Variants in PALLD observed in about 807,000 individuals in gnomAD.
PALLD encodes the protein palladin, cytoskeletal associated protein, also known as palladin.
In PALLD, 61 loss-of-function variants were observed where a neutral mutation model predicts 123.5. That is an observed-to-expected ratio of 0.49 (90% CI 0.40 to 0.61). The LOEUF is 0.61. Ranked by LOEUF, PALLD falls within the 20% of genes least tolerant of loss-of-function variation. The pLI is 0.00. For missense variants in PALLD, 1,273 were observed against 1,377.0 expected (o/e 0.92, Z 1.20); for synonymous variants, 465 against 496.4 (o/e 0.94, Z 0.84).
intron 10 of PALLD, among the ~76,000 whole-genome samples, chr4:168,811,087 G>A (rs1581592474): frequency 1.3e-5 from 2 of 152,336 alleles, no homozygotes; most frequent in South Asian, 4.1e-4. Context: ...AGGAGAATGG[G>A]AGAGAACAGC....
intron 1 of PALLD, among the ~76,000 whole-genome samples, chr4:168,509,557 T>C (rs982561082): frequency 7.9e-5 from 12 of 152,188 alleles, no homozygotes; most frequent in Non-Finnish European, 1.8e-4. Context: ...AGTCAGGATG[T>C]TTCTATCCTG....
chr4:168,536,046 GA>G (rs1446453513), intron 2 of PALLD, among the ~76,000 whole-genome samples: 1 of 152,188 alleles, frequency 6.6e-6, no homozygotes, highest in African/African-American at 2.4e-5. Context: ...TGATAAAAAA[GA>G]GAGTCAAACA....
At chr4:168,754,343 C>A (rs2150399150) in intron 10 of PALLD, among the ~76,000 whole-genome samples, 1 of 152,120 alleles carries the variant, frequency 6.6e-6, no homozygotes, top group East Asian at 1.9e-4. Context: ...TTTTAGTTAA[C>A]TTCCTTTTGA....
chr4:168,917,046 G>T (rs1206552542), intron 17 of PALLD, among the ~76,000 whole-genome samples: 59 of 97,352 alleles, frequency 6.1e-4, no homozygotes, highest in East Asian at 1.6e-3. Context: ...TTGTTTTTTT[G>T]GGGTTTTTTT....
chr4:168,520,854 G>A (rs1014492489), intron 2 of PALLD, among the ~76,000 whole-genome samples: 3 of 152,164 alleles, frequency 2.0e-5, no homozygotes, highest in African/African-American at 7.2e-5. Context: ...AAGAAGTAAG[G>A]CTGATATTCA....
chr4:168,586,153 TAAA>T (rs35474736), intron 2 of PALLD, among the ~76,000 whole-genome samples: 9,941 of 75,170 alleles, frequency 0.13, 356 homozygotes, highest in South Asian at 0.17. Context: ...TCAAGAGACC[TAAA>T]AAAAAAAAAA....
At chr4:168,748,540 C>A (rs954024129) in intron 10 of PALLD, among the ~76,000 whole-genome samples, 1 of 152,130 alleles carries the variant, frequency 6.6e-6, no homozygotes, top group South Asian at 2.1e-4. Context: ...TAAAACACCC[C>A]ACATTTAATA....
chr4:168,860,779 G>A (rs1213496233), intron 10 of PALLD, among the ~76,000 whole-genome samples: 2 of 152,166 alleles, frequency 1.3e-5, no homozygotes. Context: ...CTGAGATCGT[G>A]CCACTGCACT....
At chr4:168,885,325 G>GA (rs1753183267) in intron 10 of PALLD, 1 of 152,140 alleles carries the variant, frequency 6.6e-6, no homozygotes, top group Non-Finnish European at 1.5e-5. Flanking sequence ...ATGTGGGGGG[G>GA]TCTTTGCCAT....
rs1767955929 is a variant in PALLD, at chr4:168,562,386, G to T, written c.908+49974G>T. On this transcript the variant is annotated intron_variant, in intron 2 of 21. Transcript: ENST00000505667. Reference sequence around the variant, plus strand: ...TAAAGAAGTTCAGGAGTAAGTCTGTGTTCTAAGCACTGGAGATATCGCTAT... The same window carrying T: ...TAAAGAAGTTCAGGAGTAAGTCTGTTTTCTAAGCACTGGAGATATCGCTAT... 1.3e-5 allele frequency among the ~76,000 whole-genome samples: 2 copies of T among 152,206 alleles called. 1 individual carries two copies. The highest frequency in any genetic ancestry group is 4.1e-4 in the South Asian group (2 of 4,834).
rs144840845 is a variant in PALLD, at chr4:168,797,053, C to T, written c.1964+85130C>T. On this transcript the variant is annotated intron_variant, in intron 10 of 21. Coordinates refer to ENST00000505667, the MANE Select transcript of PALLD (RefSeq NM_001166108.2). ...AGAAACTCACCAAATTGAGTTGTCT[C>T]TACTTTCCTTTCAAAACTATAACTA... Among the ~76,000 whole-genome samples the T allele has an allele frequency of 5.3e-4, 80 of 152,300 alleles. 2 individuals are homozygous for T. The East Asian group carries it at 0.015, about 28-fold the overall frequency.
At chr4:168,667,850 A>C (rs1176866693) in intron 2 of PALLD, among the ~76,000 whole-genome samples, 1 of 152,202 alleles carries the variant, frequency 6.6e-6, no homozygotes, top group Non-Finnish European at 1.5e-5. Flanking sequence ...CTAATAGATA[A>C]AATTGTAATA....
chr4:168,757,021 T>C (rs1731986906), intron 10 of PALLD, among the ~76,000 whole-genome samples: 2 of 152,084 alleles, frequency 1.3e-5, no homozygotes, highest in Admixed American at 6.5e-5. Context: ...CTACAGAGTG[T>C]CCAAAACAAA....
rs770066570 is a variant in PALLD at position 168,512,405 on chromosome 4, C to T, written c.901C>T (p.Arg301Ter). 18 of 1,612,726 alleles carry T rather than the reference C, an allele frequency of 1.1e-5. No homozygotes were observed. Among genetic ancestry groups the T allele is most frequent in the Non-Finnish European group, 1.5e-5 (18 of 1,179,480 alleles). The part of the protein sequence containing the change: ...ECRVTGNPTP[R>*]VRWFCEGKEL... ...TAGAGTCACTGGAAACCCCACTCCT[C>T]GAGTCAGGTATGAATTTTTGTATTA... Residue 301 changes from arginine to a stop codon, truncating the protein, a stop_gained, in exon 2 of 22, where the codon CGA becomes TGA. Coordinates refer to ENST00000505667, the MANE Select transcript of PALLD (RefSeq NM_001166108.2). LOFTEE classifies it high-confidence loss of function.
intron 2 of PALLD, among the ~76,000 whole-genome samples, chr4:168,576,310 G>A (rs1769578884): frequency 6.6e-6 from 1 of 151,838 alleles, no homozygotes; most frequent in Admixed American, 6.6e-5. Context: ...ATATGTACAT[G>A]TGCCATGTTG....
chr4:168,529,500 A>G (rs1764404969), intron 2 of PALLD, among the ~76,000 whole-genome samples: 1 of 152,184 alleles, frequency 6.6e-6, no homozygotes, highest in Non-Finnish European at 1.5e-5. Context: ...ACTGAACTGC[A>G]TTACCACATG....
At chr4:168,553,078 T>C (rs1766907986) in intron 2 of PALLD, among the ~76,000 whole-genome samples, 1 of 152,138 alleles carries the variant, frequency 6.6e-6, no homozygotes, top group African/African-American at 2.4e-5. Flanking sequence ...GATAAATCTC[T>C]AGTGTCATTG....
intron 8 of PALLD, among the ~76,000 whole-genome samples, chr4:168,698,841 C>T (rs1197677192): frequency 6.6e-6 from 1 of 151,602 alleles, no homozygotes; most frequent in Non-Finnish European, 1.5e-5. Flanking sequence ...TTTAAGGATA[C>T]ATACATATAT....
intron 2 of PALLD, among the ~76,000 whole-genome samples, chr4:168,551,103 C>A (rs1460617598): frequency 2.0e-5 from 3 of 152,170 alleles, no homozygotes; most frequent in Non-Finnish European, 4.4e-5. Context: ...TATTACAAAT[C>A]ACAGAAAGCC....
Sources: allele counts gnomAD v4.1 joint callset (sites outside exome capture counted in the v4.1 genomes callset), GRCh38; gene constraint gnomAD v4.1.1; transcripts MANE v1.5; gene names NCBI Gene and HGNC (gene_info 2026-07-23, HGNC 2026-07-21).